The following CD4 variants were observed in gnomAD, a reference collection of about 807,000 sequenced individuals.
The protein encoded by CD4 is T-cell surface glycoprotein CD4.
In CD4, 25 loss-of-function variants were observed where a neutral mutation model predicts 50.5. The observed-to-expected ratio is 0.49, with a 90% CI of 0.36 to 0.69. The LOEUF is 0.69. Ranked by LOEUF, CD4 falls within the 30% of genes least tolerant of loss-of-function variation. The pLI is 0.00. For synonymous variants in CD4, 207 were observed against 221.9 expected (o/e 0.93, Z 0.60); for missense variants, 456 against 548.5 (o/e 0.83, Z 1.68).
Position 6,816,861 on chromosome 12 carries a change from G to A in CD4, c.956-269G>A, listed in dbSNP as rs782256775. ...TAACACTTGATGCTCAGCACGTGTC[G>A]GGCCCCATCCAAACACTTTACATGT... On this transcript the variant is annotated intron_variant, in intron 6 of 9. Coordinates refer to ENST00000011653, the MANE Select transcript of CD4 (RefSeq NM_000616.5). This position sits in a 1 kb window ranked among gnomAD's most constrained non-coding sequence, Gnocchi z 4.9. Among the ~76,000 whole-genome samples, 1 of 152,048 alleles carries A rather than the reference G, an allele frequency of 6.6e-6. No individual in the cohort carries two copies. Among genetic ancestry groups the A allele is most frequent in the Admixed American group, 6.6e-5 (1 of 15,256 alleles).
At position 6,818,758 on chromosome 12, in the gene CD4, G is replaced by GTCGCAGCTTCCCCCA; in HGVS notation, c.1279-88_1279-74dup. ...CCTGGGCCATGTAACTGCTTCTCCTGTCGCAGCTTCCCCCACTCCCCCCAC... is the reference window on the plus strand; with the variant it reads ...CCTGGGCCATGTAACTGCTTCTCCTGTCGCAGCTTCCCCCATCGCAGCTTCCCCCACTCCCCCCAC... On this transcript the variant is annotated intron_variant, in intron 8 of 9. Transcript: ENST00000011653. This position sits in a 1 kb window ranked among gnomAD's most constrained non-coding sequence, Gnocchi z 5.0. The GTCGCAGCTTCCCCCA allele has an allele frequency of 1.5e-6, 2 of 1,293,968 alleles. No homozygotes were observed. The highest frequency in any genetic ancestry group is 2.2e-6 in the Non-Finnish European group (2 of 889,562). The allele number at this position is 1,293,968 out of a possible 1,614,324, so 80.2% of individuals were successfully genotyped here. A position where few individuals can be genotyped will look rare whatever the true frequency, so the allele number is the denominator to read the frequency against.
In CD4 at chr12:6,792,836, G is replaced by A. The variant is rs2707210; in HGVS notation, c.-68+3174G>A. ...GGAGCCCGGGAGAGCCAGCACGGCC[G>A]CCTGGTATATGAGGCAAAGAGGAAG... is the stretch of plus-strand genomic sequence containing the variant. On this transcript the variant is annotated intron_variant, in intron 1 of 9. Transcript: ENST00000011653. The surrounding 1 kb of genome is among the most constrained non-coding windows in gnomAD (Gnocchi z 4.1). 1.3e-5 allele frequency among the ~76,000 whole-genome samples: 2 copies of A among 151,906 alleles called. No individual in the cohort carries two copies. The highest frequency in any genetic ancestry group is 6.6e-5 in the Admixed American group (1 of 15,248).
Position 6,818,355 on chromosome 12 carries a change from G to A in CD4, c.1157-66G>A, listed in dbSNP as rs1555118424. ...AGAGACTGGCCAGGAGGGATTGCAG[G>A]GCAGTCCTCAGTCCCCTGGCCCGTG... On this transcript the variant is annotated intron_variant, in intron 7 of 9. Coordinates refer to ENST00000011653, the MANE Select transcript of CD4 (RefSeq NM_000616.5). The surrounding 1 kb of genome is among the most constrained non-coding windows in gnomAD (Gnocchi z 5.0). The A allele has an allele frequency of 2.5e-6, 4 of 1,589,598 alleles. No homozygotes were observed. In the South Asian group the frequency reaches 3.3e-5, roughly 13 times the overall value.
chr12:6,789,870 A>G (rs1942099981), intron 1 of CD4, among the ~76,000 whole-genome samples: 1 of 152,224 alleles, frequency 6.6e-6, no homozygotes, highest in Non-Finnish European at 1.5e-5. Context: ...TCCTCTCTGC[A>G]GCCCCAGCGT....
intron 7 of CD4, among the ~76,000 whole-genome samples, chr12:6,817,619 C>T (rs188140350): frequency 3.3e-5 from 5 of 152,196 alleles, no homozygotes; most frequent in Admixed American, 3.3e-4. Flanking sequence ...AGCCCCCCTC[C>T]CTGGCTCCTG....
intron 1 of CD4, among the ~76,000 whole-genome samples, chr12:6,794,212 A>C: frequency 6.7e-6 from 1 of 148,270 alleles, no homozygotes; most frequent in Admixed American, 6.8e-5. Flanking sequence ...AGCTGGGACT[A>C]CCCACCACCA....
At position 6,818,414 on chromosome 12, in the gene CD4, CT is replaced by C. The variant is rs782470570; in HGVS notation, c.1157-5del. The C allele has an allele frequency of 1.2e-6, 2 of 1,612,172 alleles. No homozygotes were observed. Among genetic ancestry groups the C allele is most frequent in the Admixed American group, 3.3e-5 (2 of 60,038 alleles). On this transcript the variant is annotated splice_region_variant and splice_polypyrimidine_tract_variant and intron_variant, in intron 7 of 9. Coordinates refer to ENST00000011653, the MANE Select transcript of CD4 (RefSeq NM_000616.5). The surrounding 1 kb of genome is among the most constrained non-coding windows in gnomAD (Gnocchi z 5.0). ...CGGTGCATTGAGCACATTTCTCTCC[CT>C]TGCAGTTCTGCCCACATGGTCCACC...
At chr12:6,804,812 C>A (rs950933547) in intron 3 of CD4, among the ~76,000 whole-genome samples, 1 of 151,626 alleles carries the variant, frequency 6.6e-6, no homozygotes, top group Non-Finnish European at 1.5e-5. Context: ...GTCAGGAGAT[C>A]GAGACCATCC....
At chr12:6,804,238 GA>G (rs1942659449) in intron 3 of CD4, among the ~76,000 whole-genome samples, 1 of 152,062 alleles carries the variant, frequency 6.6e-6, no homozygotes, top group African/African-American at 2.4e-5. Flanking sequence ...ATTTAATGGT[GA>G]AAAACTGAAT....
chr12:6,814,613 T>C, intron 4 of CD4, 146 bp from the exon 5 acceptor site: 1 of 753,664 alleles, frequency 1.3e-6, no homozygotes, highest in East Asian at 2.5e-5. Context: ...AGGGAAACCC[T>C]ATCTTGGCTG....
chr12:6,806,189 AAG>A (rs1174460570), intron 3 of CD4, among the ~76,000 whole-genome samples: 1 of 79,442 alleles, frequency 1.3e-5, no homozygotes, highest in Non-Finnish European at 3.4e-5. Context: ...ACACATACAC[AAG>A]TATATACACA....
Position 6,818,098 on chromosome 12 carries a change from GCGCGCA to G in CD4, c.1157-321_1157-316del, listed in dbSNP as rs1565502568. 8.6e-4 allele frequency among the ~76,000 whole-genome samples: 34 copies of G among 39,582 alleles called. No individual in the cohort carries two copies. Among genetic ancestry groups the G allele is most frequent in the South Asian group, 4.6e-3 (5 of 1,080 alleles). The allele number at this position is 39,582 out of a possible 152,430, so 26.0% of individuals were successfully genotyped here. A position where few individuals can be genotyped will look rare whatever the true frequency, so the allele number is the denominator to read the frequency against. Reference sequence around the variant, plus strand: ...CACACATGGACTCACACGCGCACACGCGCGCACACACACACATTCACACCATTCACA... The same window carrying G: ...CACACATGGACTCACACGCGCACACGCACACACACATTCACACCATTCACA... On this transcript the variant is annotated intron_variant, in intron 7 of 9. Coordinates refer to ENST00000011653, the MANE Select transcript of CD4 (RefSeq NM_000616.5). This position sits in a 1 kb window ranked among gnomAD's most constrained non-coding sequence, Gnocchi z 5.0.
At position 6,800,340 on chromosome 12, in the gene CD4, T is replaced by C. The variant is rs1555115042; in HGVS notation, c.83T>C (p.Val28Ala). ...LLPAATQGKK[V>A]VLGKKGDTVE... ...CCAGCAGCCACTCAGGGAAAGAAAG[T>C]GGTGCTGGGCAAAAAAGGGGATACA... is the stretch of plus-strand genomic sequence containing the variant. Residue 28 changes from valine (V) to alanine (A), a missense_variant, in exon 3 of 10, where the codon GTG becomes GCG. Transcript: ENST00000011653. The C allele has an allele frequency of 5.0e-6, 8 of 1,613,774 alleles. No homozygotes were observed. Among genetic ancestry groups the C allele is most frequent in the South Asian group, 1.1e-5 (1 of 91,064 alleles).
chr12:6,798,314 C>T (rs1404043320), intron 1 of CD4, among the ~76,000 whole-genome samples: 3 of 133,536 alleles, frequency 2.2e-5, no homozygotes, highest in Non-Finnish European at 3.4e-5. Context: ...GGACTACAGG[C>T]GCCCGCCACC....
chr12:6,815,628 T>G, intron 5 of CD4: 1 of 902,282 alleles, frequency 1.1e-6, no homozygotes, highest in Admixed American at 2.3e-5. Context: ...ACTGCCATAG[T>G]GACTACCTCG....
chr12:6,805,431 C>T (rs1177654598), intron 3 of CD4, among the ~76,000 whole-genome samples: 3 of 151,020 alleles, frequency 2.0e-5, no homozygotes, highest in Admixed American at 6.6e-5. Flanking sequence ...GGTGTTGTGG[C>T]GCATGCCTGA....
intron 3 of CD4, among the ~76,000 whole-genome samples, chr12:6,800,914 A>AT (rs58978787): frequency 2.0e-5 from 3 of 147,052 alleles, no homozygotes; most frequent in East Asian, 2.0e-4. Flanking sequence ...ATATATATAT[A>AT]TTTTTTTTGG....
At chr12:6,794,774 TGTTTTTTTTTTG>T (rs1175279478) in intron 1 of CD4, among the ~76,000 whole-genome samples, 8 of 138,340 alleles carry the variant, frequency 5.8e-5, no homozygotes, top group Non-Finnish European at 1.1e-4. Flanking sequence ...TCTGTATGTC[TGTTTTTTTTTTG>T]TTTTTTTTTT....
intron 9 of CD4, 140 bp downstream of exon 9, chr12:6,819,054 G>A: frequency 2.8e-6 from 2 of 725,560 alleles, no homozygotes; most frequent in Non-Finnish European, 4.8e-6. Flanking sequence ...AGAGCTGGGA[G>A]GGGTGGAGGT....
Sources: gnomAD v4.1 joint callset for allele counts (sites outside exome capture counted in the v4.1 genomes callset) on GRCh38, gnomAD v4.1.1 for gene constraint, Gnocchi (gnomAD v3.1) non-coding constraint, MANE v1.5 for transcripts, NCBI Gene and HGNC (gene_info 2026-07-23, HGNC 2026-07-21) for gene names.